The following CRPPA variants were observed in gnomAD, a reference collection of about 807,000 sequenced individuals.
The protein encoded by CRPPA is D-ribitol-5-phosphate cytidylyltransferase.
A neutral mutation model predicts 52.0 loss-of-function variants in CRPPA; 43 were observed. That is an observed-to-expected ratio of 0.83 (90% CI 0.65 to 1.07). The LOEUF is 1.07. Ranked by LOEUF, CRPPA falls within the 50% of genes least tolerant of loss-of-function variation. The pLI is 0.00. For missense variants in CRPPA, 629 were observed against 551.7 expected (o/e 1.14, Z -1.40); for synonymous variants, 250 against 203.5 (o/e 1.23, Z -1.94).
At chr7:16,166,908 T>G (rs969615290) in intron 9 of CRPPA, among the ~76,000 whole-genome samples, 2 of 147,670 alleles carry the variant, frequency 1.4e-5, no homozygotes, top group Non-Finnish European at 3.0e-5. Context: ...TCAAGAAAGC[T>G]TTCCCCTTCT....
In CRPPA at chr7:16,133,029, T is replaced by C. The variant is rs1295024290; in HGVS notation, c.1252-41230A>G. Among the ~76,000 whole-genome samples the C allele has an allele frequency of 1.6e-5, 2 of 122,812 alleles. 1 individual carries two copies. The highest frequency in any genetic ancestry group is 7.1e-4 in the East Asian group (2 of 2,812). 80.6% of individuals were successfully genotyped at this position (122,812 alleles called of 152,430 possible). A position where few individuals can be genotyped will look rare whatever the true frequency, so the allele number is the denominator to read the frequency against. On this transcript the variant is annotated intron_variant, in intron 9 of 9. Coordinates refer to ENST00000407010, the MANE Select transcript of CRPPA (RefSeq NM_001101426.4). The stretch of plus-strand genomic sequence containing the variant: ...AAAATTAGTCAGGCATAGTGGCCTG[T>C]GTCTGTAGTTCCAGCTACTTGGGAT...
intron 9 of CRPPA, among the ~76,000 whole-genome samples, chr7:16,171,069 G>A (rs947806289): frequency 1.3e-5 from 2 of 152,178 alleles, no homozygotes; most frequent in African/African-American, 2.4e-5. Flanking sequence ...CAGAGTGGAC[G>A]CCAAGGCCAA....
In CRPPA at chr7:16,249,394, C is replaced by T. The variant is rs370370684; in HGVS notation, c.1119+8996G>A. Among the ~76,000 whole-genome samples, 27 of 152,322 alleles carry T rather than the reference C, an allele frequency of 1.8e-4. No individual in the cohort carries two copies. The East Asian group carries it at 2.9e-3, about 16-fold the overall frequency. On this transcript the variant is annotated intron_variant, in intron 8 of 9. Transcript: ENST00000407010. Reference sequence around the variant, plus strand: ...CGAGCTCTAATAATGGACCGACTGCCTGCTCAAGTGGGTCCCTGACACCCG... The same window carrying T: ...CGAGCTCTAATAATGGACCGACTGCTTGCTCAAGTGGGTCCCTGACACCCG...
intron 8 of CRPPA, among the ~76,000 whole-genome samples, chr7:16,236,537 T>C (rs964996141): frequency 6.6e-6 from 1 of 152,270 alleles, no homozygotes; most frequent in Middle Eastern, 3.4e-3. Flanking sequence ...TAGAAGTTTC[T>C]GGCACTGATT....
chr7:16,299,413 G>T (rs1402409453), intron 5 of CRPPA, among the ~76,000 whole-genome samples: 1 of 152,168 alleles, frequency 6.6e-6, no homozygotes, highest in East Asian at 1.9e-4. Flanking sequence ...AGAGGAAGAT[G>T]TCTGGAATTT....
intron 4 of CRPPA, among the ~76,000 whole-genome samples, chr7:16,307,333 A>C (rs904282962): frequency 1.3e-5 from 2 of 152,182 alleles, no homozygotes; most frequent in African/African-American, 4.8e-5. Flanking sequence ...CCTTGATAAG[A>C]AGCTGCAGTA....
At chr7:16,178,086 A>G (rs1039335768) in intron 9 of CRPPA, among the ~76,000 whole-genome samples, 4 of 151,342 alleles carry the variant, frequency 2.6e-5, no homozygotes, top group Non-Finnish European at 5.9e-5. Flanking sequence ...AGAAAAATGG[A>G]AAGTTTGACT....
intron 2 of CRPPA, among the ~76,000 whole-genome samples, chr7:16,385,855 G>C (rs1034002850): frequency 4.6e-5 from 7 of 152,168 alleles, no homozygotes; most frequent in African/African-American, 1.4e-4. Flanking sequence ...TTATGGGATG[G>C]GGAGCACCCA....
At position 16,406,212 on chromosome 7, in the gene CRPPA, C is replaced by G. The variant is rs1216079532; in HGVS notation, c.383G>C (p.Arg128Thr). 5 of 1,613,864 alleles carry G rather than the reference C, an allele frequency of 3.1e-6. No homozygotes were observed. In the African/African-American group the frequency reaches 4.0e-5, roughly 13 times the overall value. ...SLVEAGVTRH[R>T]SIFNGLKALA... ...TGCTTTTAGTCCATTGAAAATTGAC[C>G]TGTGGCGGGTCACTCCAGCTTCGAC... The change falls in exon 2 of 10, where the codon AGG (arginine) becomes ACG (threonine). Residue 128 changes from arginine (R) to threonine (T), a missense_variant. Physicochemically the swap from Arg to Thr is moderately conservative, Grantham distance 71. Transcript: ENST00000407010.
At chr7:16,330,628 A>G (rs1785527152) in intron 3 of CRPPA, among the ~76,000 whole-genome samples, 1 of 152,208 alleles carries the variant, frequency 6.6e-6, no homozygotes, top group African/African-American at 2.4e-5. Flanking sequence ...CCAGTCACAG[A>G]GGAGGGCTCC....
chr7:16,223,979 C>G (rs1398332420), intron 8 of CRPPA, among the ~76,000 whole-genome samples: 2 of 152,234 alleles, frequency 1.3e-5, no homozygotes, highest in East Asian at 3.9e-4. Context: ...AGTTCTTTCT[C>G]ACATATACAT....
chr7:16,265,831 A>G (rs1783938702), intron 6 of CRPPA, among the ~76,000 whole-genome samples: 1 of 152,184 alleles, frequency 6.6e-6, no homozygotes, highest in South Asian at 2.1e-4. Context: ...AGGTATTATC[A>G]TCATCCTCAT....
chr7:16,408,406 A>G (rs937438377), intron 1 of CRPPA, among the ~76,000 whole-genome samples: 3 of 152,166 alleles, frequency 2.0e-5, no homozygotes, highest in Non-Finnish European at 4.4e-5. Context: ...AGTAAAGGCC[A>G]TGGCAAGGTC....
At chr7:16,190,610 C>T (rs1009846730) in intron 9 of CRPPA, among the ~76,000 whole-genome samples, 3 of 152,068 alleles carry the variant, frequency 2.0e-5, no homozygotes, top group South Asian at 2.1e-4. Flanking sequence ...ATGTGGCTTT[C>T]GGAACTAGTA....
intron 6 of CRPPA, among the ~76,000 whole-genome samples, chr7:16,265,359 T>A (rs1199460033): frequency 1.3e-5 from 2 of 152,188 alleles, no homozygotes; most frequent in South Asian, 4.1e-4. Flanking sequence ...TCCCTATCTC[T>A]TATCACACAA....
chr7:16,089,144 T>G lies in CRPPA; in HGVS notation c.*2551A>C, dbSNP rs1781760598. ...CAGATATATATACATATAAAATACATATACATAAAACATAAAAATACATAT... is the reference window on the plus strand; with the variant it reads ...CAGATATATATACATATAAAATACAGATACATAAAACATAAAAATACATAT... On this transcript the variant is annotated 3_prime_UTR_variant, in exon 10 of 10. Transcript: ENST00000407010. 3.9e-6 allele frequency: 1 copy of G among 259,194 alleles called. No individual in the cohort carries two copies. The highest frequency in any genetic ancestry group is 2.2e-5 in the African/African-American group (1 of 46,482). The allele number at this position is 259,194 out of a possible 1,614,324, so 16.1% of individuals were successfully genotyped here.
intron 8 of CRPPA, among the ~76,000 whole-genome samples, chr7:16,242,747 G>A (rs950455256): frequency 3.9e-5 from 6 of 152,026 alleles, no homozygotes; most frequent in African/African-American, 1.2e-4. Context: ...GTAAAATTCC[G>A]TTATGCTGAC....
At chr7:16,112,130 C>T (rs1265468289) in intron 9 of CRPPA, among the ~76,000 whole-genome samples, 1 of 152,088 alleles carries the variant, frequency 6.6e-6, no homozygotes, top group Non-Finnish European at 1.5e-5. Context: ...GCCTGACCAA[C>T]ATGGTGAAAC....
At chr7:16,300,963 A>C (rs1784779069) in intron 5 of CRPPA, among the ~76,000 whole-genome samples, 2 of 152,198 alleles carry the variant, frequency 1.3e-5, no homozygotes, top group South Asian at 4.1e-4. Flanking sequence ...TCATTGTCAG[A>C]ACCCAAAAGA....
Sources: gnomAD v4.1 joint callset for allele counts (sites outside exome capture counted in the v4.1 genomes callset) on GRCh38, gnomAD v4.1.1 for gene constraint, MANE v1.5 for transcripts, NCBI Gene and HGNC (gene_info 2026-07-23, HGNC 2026-07-21) for gene names.